The following THSD4 variants were observed in gnomAD, a reference collection of about 807,000 sequenced individuals.
THSD4 encodes the protein thrombospondin type-1 domain-containing protein 4.
A neutral mutation model predicts 119.0 loss-of-function variants in THSD4; 69 were observed. That is an observed-to-expected ratio of 0.58 (90% confidence interval 0.48 to 0.71). THSD4 has a LOEUF of 0.71. THSD4 is among the 30% of genes least tolerant of loss of function. The pLI is 0.00. For synonymous variants in THSD4, 524 were observed against 540.4 expected (o/e 0.97, Z 0.42); for missense variants, 1,393 against 1,391.1 (o/e 1.00, Z -0.02).
Position 71,609,129 on chromosome 15 carries a change from A to G in THSD4, c.1153-51401A>G, listed in dbSNP as rs181549767. Among the ~76,000 whole-genome samples the G allele has an allele frequency of 2.3e-4, 35 of 152,262 alleles. No individual in the cohort carries two copies. The East Asian group carries it at 4.8e-3, about 21-fold the overall frequency. On this transcript the variant is annotated intron_variant, in intron 7 of 17. Transcript: ENST00000261862. ...ACGCCAGAGAACTCTTTCTTAACAC[A>G]CTGTTGTTCTTCAGAGCATGTATGA...
chr15:71,240,824 C>T (rs1373529451), intron 4 of THSD4, among the ~76,000 whole-genome samples: 2 of 146,924 alleles, frequency 1.4e-5, no homozygotes, highest in Non-Finnish European at 3.0e-5. Flanking sequence ...CACACACACA[C>T]ACACACACAC....
intron 6 of THSD4, among the ~76,000 whole-genome samples, chr15:71,406,551 T>C (rs2046608424): frequency 6.6e-6 from 1 of 152,160 alleles, no homozygotes; most frequent in Non-Finnish European, 1.5e-5. Flanking sequence ...TCTGTCTCAT[T>C]GCTCCATTTA....
chr15:71,251,602 A>G (rs2044259618), intron 5 of THSD4, among the ~76,000 whole-genome samples: 1 of 152,140 alleles, frequency 6.6e-6, no homozygotes, highest in Non-Finnish European at 1.5e-5. Flanking sequence ...ATATGTTGCT[A>G]TGGTAGCTGG....
intron 8 of THSD4, among the ~76,000 whole-genome samples, chr15:71,680,699 G>A (rs1325195965): frequency 1.3e-5 from 2 of 152,186 alleles, no homozygotes; most frequent in African/African-American, 4.8e-5. Context: ...CAAGTTAAGA[G>A]TTCTACTCTC....
At chr15:71,471,819 G>A (rs142389227) in intron 7 of THSD4, among the ~76,000 whole-genome samples, 5 of 152,248 alleles carry the variant, frequency 3.3e-5, no homozygotes, top group Non-Finnish European at 5.9e-5. Flanking sequence ...TGAGAGACAG[G>A]CTGTGTAGGG....
At chr15:71,107,118 C>T (rs757258962) in intron 1 of THSD4, among the ~76,000 whole-genome samples, 4 of 152,198 alleles carry the variant, frequency 2.6e-5, no homozygotes, top group Non-Finnish European at 5.9e-5. Context: ...GCTCCAAGTG[C>T]ACATTTGTTT....
chr15:71,532,127 G>A (rs1381480145), intron 7 of THSD4, among the ~76,000 whole-genome samples: 1 of 152,140 alleles, frequency 6.6e-6, no homozygotes, highest in East Asian at 1.9e-4. Flanking sequence ...GAGCAGACAT[G>A]CAACGGTGGT....
At chr15:71,682,220 C>T (rs1280056752) in intron 8 of THSD4, among the ~76,000 whole-genome samples, 1 of 152,204 alleles carries the variant, frequency 6.6e-6, no homozygotes, top group Admixed American at 6.5e-5. Flanking sequence ...GTGCCAAAAG[C>T]CTATTGTCTG....
At chr15:71,464,959 CCGTG>C (rs1238536016) in intron 7 of THSD4, among the ~76,000 whole-genome samples, 32 of 151,988 alleles carry the variant, frequency 2.1e-4, no homozygotes, top group African/African-American at 7.5e-4. Context: ...TTATATTCCC[CCGTG>C]AGTAAGTAAG....
At chr15:71,565,048 C>A (rs1447651824) in intron 7 of THSD4, among the ~76,000 whole-genome samples, 1 of 152,004 alleles carries the variant, frequency 6.6e-6, no homozygotes, top group Non-Finnish European at 1.5e-5. Flanking sequence ...AAACAACAAC[C>A]AAAAGAACAC....
intron 7 of THSD4, among the ~76,000 whole-genome samples, chr15:71,412,890 G>T (rs890326984): frequency 2.0e-5 from 3 of 152,280 alleles, no homozygotes; most frequent in African/African-American, 7.2e-5. Flanking sequence ...GTGATATTTT[G>T]ATACAGACAT....
intron 3 of THSD4, among the ~76,000 whole-genome samples, chr15:71,207,198 C>G (rs1395022513): frequency 6.6e-6 from 1 of 152,166 alleles, no homozygotes; most frequent in East Asian, 1.9e-4. Context: ...ACCCCATCCA[C>G]AATTGCTCTG....
chr15:71,474,543 A>C (rs2047630146), intron 7 of THSD4, among the ~76,000 whole-genome samples: 1 of 152,116 alleles, frequency 6.6e-6, no homozygotes, highest in South Asian at 2.1e-4. Context: ...TTTGCTTGCA[A>C]GTACAGAGTT....
chr15:71,727,553 A>AATATAT (rs869196877), intron 8 of THSD4, among the ~76,000 whole-genome samples: 10 of 122,784 alleles, frequency 8.1e-5, no homozygotes, highest in African/African-American at 3.5e-4. Flanking sequence ...AAAAAAAAAA[A>AATATAT]ATATATATAT....
At chr15:71,409,213 C>G (rs1434461052) in intron 6 of THSD4, among the ~76,000 whole-genome samples, 1 of 148,508 alleles carries the variant, frequency 6.7e-6, no homozygotes, top group South Asian at 2.2e-4. Context: ...GAATAAAATT[C>G]TGGCCCCAAA....
chr15:71,228,676 A>T (rs2044037216), intron 4 of THSD4, among the ~76,000 whole-genome samples: 1 of 152,188 alleles, frequency 6.6e-6, no homozygotes, highest in Admixed American at 6.5e-5. Context: ...CAGGGATTTA[A>T]ACCAGAGAAC....
intron 2 of THSD4, among the ~76,000 whole-genome samples, chr15:71,152,761 TG>T (rs2040736679): frequency 6.6e-6 from 1 of 152,184 alleles, no homozygotes; most frequent in Admixed American, 6.5e-5. Context: ...CAGGGCACTT[TG>T]GAGAATTTCC....
At chr15:71,616,744 G>A (rs1025773761) in intron 7 of THSD4, among the ~76,000 whole-genome samples, 8 of 152,210 alleles carry the variant, frequency 5.3e-5, no homozygotes, top group Non-Finnish European at 1.0e-4. Flanking sequence ...TGGATGGAAA[G>A]CTGTAGATGA....
At chr15:71,261,095 G>A (rs1326760088) in intron 6 of THSD4, among the ~76,000 whole-genome samples, 2 of 152,194 alleles carry the variant, frequency 1.3e-5, no homozygotes, top group Non-Finnish European at 2.9e-5. Flanking sequence ...TACCTGTGAT[G>A]TAACCTTCTT....
Sources: gnomAD v4.1 joint callset for allele counts (sites outside exome capture counted in the v4.1 genomes callset) on GRCh38, gnomAD v4.1.1 for gene constraint, MANE v1.5 for transcripts, NCBI Gene and HGNC (gene_info 2026-07-23, HGNC 2026-07-21) for gene names.